The following TCF7L1 variants were observed in gnomAD, a reference collection of about 807,000 sequenced individuals.
TCF7L1 encodes transcription factor 7 like 1.
Under a neutral mutation model 63.7 loss-of-function variants are expected in TCF7L1, and 18 were observed. That is an observed-to-expected ratio of 0.28 (90% confidence interval 0.20 to 0.42). The LOEUF (loss-of-function observed/expected upper bound fraction) is 0.42. Among genes scored for constraint, TCF7L1 ranks in the 10% least tolerant of loss-of-function variants. The probability of loss-of-function intolerance (pLI) is 1.00; values close to 1 mark genes in which losing one functional copy is unlikely to be tolerated. For missense variants in TCF7L1, 654 were observed against 779.3 expected, an observed-to-expected ratio of 0.84 and a Z score of 1.91; for synonymous variants, 355 against 340.9, an observed-to-expected ratio of 1.04 and a Z score of -0.46.
chr2:85,236,103 T>A (rs1007822161), intron 3 of TCF7L1, among the ~76,000 whole-genome samples: 11 of 151,996 alleles, frequency 7.2e-5, no homozygotes, highest in African/African-American at 2.7e-4. Context: ...CAGTGAGCTG[T>A]GATTGCACTG....
chr2:85,225,910 G>C (rs1572999365), intron 3 of TCF7L1, among the ~76,000 whole-genome samples: 1 of 152,126 alleles, frequency 6.6e-6, no homozygotes, highest in African/African-American at 2.4e-5. Flanking sequence ...ATTGGCTGTG[G>C]GTTTGTCATA....
At chr2:85,144,747 G>GTGTGTT (rs1553393496) in intron 3 of TCF7L1, among the ~76,000 whole-genome samples, 5 of 147,874 alleles carry the variant, frequency 3.4e-5, no homozygotes, top group Admixed American at 2.7e-4. Context: ...GTGTGTGTGT[G>GTGTGTT]TGTATGTGTG....
Position 85,304,247 on chromosome 2 carries a change from C to T in TCF7L1, c.762-8C>T, listed in dbSNP as rs111716743. On this transcript the variant is annotated splice_polypyrimidine_tract_variant and splice_region_variant and intron_variant, in intron 6 of 11. Coordinates refer to ENST00000282111, the MANE Select transcript of TCF7L1 (RefSeq NM_031283.3). ...CAATATGCTGACCAGATTTCCTCCC[C>T]CTCACAGGCAAGGCCAGCCCATGTA... 50 of 1,611,928 alleles carry T rather than the reference C, an allele frequency of 3.1e-5. No individual in the cohort carries two copies. In the African/African-American group the frequency reaches 5.6e-4, roughly 18 times the overall value.
At chr2:85,300,283 C>T (rs1681939081) in intron 4 of TCF7L1, among the ~76,000 whole-genome samples, 1 of 152,062 alleles carries the variant, frequency 6.6e-6, no homozygotes, top group Admixed American at 6.6e-5. Context: ...TACTAAAAGT[C>T]ACCCTTTAGA....
intron 3 of TCF7L1, among the ~76,000 whole-genome samples, chr2:85,160,160 A>C (rs1426514877): frequency 6.6e-6 from 1 of 152,084 alleles, no homozygotes; most frequent in Non-Finnish European, 1.5e-5. Context: ...ATAGTTCCAA[A>C]TTCCTAAAAT....
Position 85,305,213 on chromosome 2 carries a change from T to C in TCF7L1, c.846-47T>C, listed in dbSNP as rs199589851. 8.5e-5 allele frequency: 137 copies of C among 1,613,998 alleles called. 1 individual carries two copies. The Admixed American group carries it at 1.6e-3, about 18-fold the overall frequency. On this transcript the variant is annotated intron_variant, in intron 7 of 11. Transcript: ENST00000282111. Reference sequence around the variant, plus strand: ...CGTGTCCTCTGCTGGGTGGCAGGTATCCAGCCTGAACCCCTCTGTTGCCAT... The same window carrying C: ...CGTGTCCTCTGCTGGGTGGCAGGTACCCAGCCTGAACCCCTCTGTTGCCAT...
chr2:85,231,263 C>T (rs1030777676), intron 3 of TCF7L1, among the ~76,000 whole-genome samples: 3 of 152,224 alleles, frequency 2.0e-5, no homozygotes, highest in African/African-American at 7.2e-5. Flanking sequence ...CTCCTAGCAT[C>T]CTGGTTTGTA....
At position 85,306,938 on chromosome 2, in the gene TCF7L1, A is replaced by G. The variant is rs1287856043; in HGVS notation, c.1257+379A>G. 6.6e-6 allele frequency among the ~76,000 whole-genome samples: 1 copy of G among 152,216 alleles called. No homozygotes were observed. The highest frequency in any genetic ancestry group is 1.5e-5 in the Non-Finnish European group (1 of 68,044). Reference sequence around the variant, plus strand: ...CTCGGCCTCCCAAAGCGCTGGGATTACAGGCGTGAGCCACCGCGCCCGGCC... The same window carrying G: ...CTCGGCCTCCCAAAGCGCTGGGATTGCAGGCGTGAGCCACCGCGCCCGGCC... On this transcript the variant is annotated intron_variant, in intron 10 of 11. Transcript: ENST00000282111. The surrounding 1 kb of genome is among the most constrained non-coding windows in gnomAD (Gnocchi z 4.3).
At chr2:85,137,762 G>A (rs979521383) in intron 3 of TCF7L1, among the ~76,000 whole-genome samples, 4 of 151,916 alleles carry the variant, frequency 2.6e-5, no homozygotes, top group Admixed American at 6.6e-5. Context: ...GCGTGCTGGC[G>A]AGCACCTGCA....
At chr2:85,173,975 T>C (rs992341570) in intron 3 of TCF7L1, among the ~76,000 whole-genome samples, 1 of 152,134 alleles carries the variant, frequency 6.6e-6, no homozygotes, top group Non-Finnish European at 1.5e-5. Context: ...GACCTTGTGA[T>C]CCGCCCGCCT....
At chr2:85,149,576 A>C (rs1352694578) in intron 3 of TCF7L1, among the ~76,000 whole-genome samples, 1 of 151,898 alleles carries the variant, frequency 6.6e-6, no homozygotes, top group African/African-American at 2.4e-5. Context: ...CCCAGGCTGG[A>C]GTCAGTGGCG....
chr2:85,170,532 T>C (rs1678523432), intron 3 of TCF7L1, among the ~76,000 whole-genome samples: 1 of 152,184 alleles, frequency 6.6e-6, no homozygotes, highest in Non-Finnish European at 1.5e-5. Context: ...TCTTCCTTGG[T>C]TCCTTTTGCC....
At chr2:85,140,743 C>T (rs972701034) in intron 3 of TCF7L1, among the ~76,000 whole-genome samples, 2 of 151,862 alleles carry the variant, frequency 1.3e-5, no homozygotes, top group Non-Finnish European at 2.9e-5. Context: ...GCACCTGTAT[C>T]CCAGCTACTT....
At chr2:85,298,215 C>CG (rs1255526734) in intron 4 of TCF7L1, among the ~76,000 whole-genome samples, 2 of 61,362 alleles carry the variant, frequency 3.3e-5, no homozygotes, top group Non-Finnish European at 5.7e-5. Context: ...AAGTGCAGGC[C>CG]GGGCGCGGTG....
chr2:85,255,955 T>G (rs1680706854), intron 3 of TCF7L1, among the ~76,000 whole-genome samples: 1 of 151,994 alleles, frequency 6.6e-6, no homozygotes, highest in Non-Finnish European at 1.5e-5. Context: ...ATTGTCTGAG[T>G]TGGTGGATGT....
At chr2:85,156,931 A>G (rs1464284144) in intron 3 of TCF7L1, among the ~76,000 whole-genome samples, 2 of 152,194 alleles carry the variant, frequency 1.3e-5, no homozygotes. Flanking sequence ...GGCTGGGGGC[A>G]CATTCTACTA....
chr2:85,263,055 A>G (rs1680891901), intron 3 of TCF7L1, among the ~76,000 whole-genome samples: 1 of 152,240 alleles, frequency 6.6e-6, no homozygotes, highest in Non-Finnish European at 1.5e-5. Context: ...GTCCCTCAGC[A>G]GCCCTTTGCC....
chr2:85,295,016 T>C (rs1186089818), intron 4 of TCF7L1, among the ~76,000 whole-genome samples: 1 of 151,992 alleles, frequency 6.6e-6, no homozygotes, highest in African/African-American at 2.4e-5. Flanking sequence ...CCTGGGTGAC[T>C]GAGACCCTGT....
intron 3 of TCF7L1, among the ~76,000 whole-genome samples, chr2:85,170,614 T>TCC (rs1678525103): frequency 6.6e-6 from 1 of 152,138 alleles, no homozygotes. Flanking sequence ...TGATTCTTCT[T>TCC]CCTCTCTCTC....
Sources: gnomAD v4.1 joint callset for allele counts (sites outside exome capture counted in the v4.1 genomes callset) on GRCh38, gnomAD v4.1.1 for gene constraint, Gnocchi (gnomAD v3.1) non-coding constraint, MANE v1.5 for transcripts, NCBI Gene and HGNC (gene_info 2026-07-23, HGNC 2026-07-21) for gene names.